Variants in RERE observed in about 807,000 individuals in gnomAD.
RERE encodes arginine-glutamic acid dipeptide repeats protein.
Under a neutral mutation model 146.1 loss-of-function variants are expected in RERE, and 40 were observed. The observed-to-expected ratio is 0.27, with a 90% confidence interval of 0.21 to 0.36. RERE has a LOEUF of 0.36. Ranked by LOEUF, RERE falls within the 10% of genes least tolerant of loss-of-function variation. RERE has a pLI of 1.00. For synonymous variants in RERE, 1,003 were observed against 866.0 expected, an observed-to-expected ratio of 1.16 and a Z score of -2.78; for missense variants, 1,933 against 2,138.7, an observed-to-expected ratio of 0.90 and a Z score of 1.90.
rs187919087 is a variant in RERE at position 8,556,675 on chromosome 1, G to T, written c.629-104C>A. Reference sequence around the variant, plus strand: ...CACGTTTACCACCCACTAAATAACCGGGCCTGGTTAGCATCGTTAAGTATG... The same window carrying T: ...CACGTTTACCACCCACTAAATAACCTGGCCTGGTTAGCATCGTTAAGTATG... On this transcript the variant is annotated intron_variant, in intron 5 of 22. Transcript: ENST00000400908. The T allele has an allele frequency of 1.7e-3, 1,189 of 710,062 alleles. 11 individuals are homozygous for T. The highest frequency in any genetic ancestry group is 7.5e-3 in the Middle Eastern group (19 of 2,546). 44.0% of individuals were successfully genotyped at this position (710,062 alleles called of 1,614,324 possible). A position where few individuals can be genotyped will look rare whatever the true frequency, so the allele number is the denominator to read the frequency against.
intron 3 of RERE, among the ~76,000 whole-genome samples, chr1:8,616,188 G>C (rs1042187142): frequency 3.3e-5 from 5 of 151,990 alleles, no homozygotes; most frequent in African/African-American, 1.2e-4. Flanking sequence ...TCAAATTAAG[G>C]GTTTTAAATC....
intron 7 of RERE, among the ~76,000 whole-genome samples, chr1:8,531,250 C>G (rs113940734): frequency 6.6e-6 from 1 of 152,160 alleles, no homozygotes; most frequent in African/African-American, 2.4e-5. Flanking sequence ...TGAGACCAGC[C>G]TGGCCAATGG....
At chr1:8,625,017 T>C (rs1218407116) in intron 2 of RERE, among the ~76,000 whole-genome samples, 10 of 152,218 alleles carry the variant, frequency 6.6e-5, no homozygotes, top group African/African-American at 1.7e-4. Context: ...GTAAACCAAA[T>C]TGCATTTTCT....
At chr1:8,481,995 G>T (rs750217600) in intron 10 of RERE, among the ~76,000 whole-genome samples, 4 of 152,048 alleles carry the variant, frequency 2.6e-5, no homozygotes, top group African/African-American at 9.7e-5. Flanking sequence ...AGACCAGGAG[G>T]ATAAATAAAA....
intron 4 of RERE, among the ~76,000 whole-genome samples, chr1:8,582,370 G>A (rs1182213029): frequency 6.7e-6 from 1 of 148,660 alleles, no homozygotes; most frequent in Non-Finnish European, 1.5e-5. Flanking sequence ...GTATCACTGT[G>A]CCTGCTTTTT....
At chr1:8,751,070 C>T (rs1640525355) in intron 1 of RERE, 3 of 545,138 alleles carry the variant, frequency 5.5e-6, no homozygotes, top group East Asian at 3.2e-5. Flanking sequence ...ATTATCTTCT[C>T]CATGAGGCGG....
intron 11 of RERE, chr1:8,425,796 C>T (rs1337086721): frequency 6.6e-6 from 1 of 152,266 alleles, no homozygotes; most frequent in African/African-American, 2.4e-5. Context: ...GATCCTGTTT[C>T]TTCCATTTAT....
rs1643950051 is a variant in RERE, at chr1:8,423,633, C to A, written c.1204-826G>T. ...GGTAAGCGCCCGGGGTCCGGGGCGG[C>A]AAGAGGCCGTCGCCTGTCACTGGGC... is the stretch of plus-strand genomic sequence containing the variant. On this transcript the variant is annotated intron_variant, in intron 11 of 22. Coordinates refer to ENST00000400908, the MANE Select transcript of RERE (RefSeq NM_001042681.2). This position sits in a 1 kb window ranked among gnomAD's most constrained non-coding sequence, Gnocchi z 5.4. 1.0e-6 allele frequency: 1 copy of A among 985,024 alleles called. No homozygotes were observed. Among genetic ancestry groups the A allele is most frequent in the Non-Finnish European group, 1.2e-6 (1 of 829,814 alleles). 61.0% of individuals were successfully genotyped at this position (985,024 alleles called of 1,614,324 possible). A position where few individuals can be genotyped will look rare whatever the true frequency, so the allele number is the denominator to read the frequency against.
intron 18 of RERE, 41 bp downstream of exon 18, chr1:8,360,071 C>G: frequency 1.3e-6 from 2 of 1,584,474 alleles, no homozygotes; most frequent in Non-Finnish European, 1.7e-6. Flanking sequence ...CCCCACCAGC[C>G]CACCTGTGCC....
chr1:8,375,251 G>C (rs1219752825), intron 12 of RERE, among the ~76,000 whole-genome samples: 2 of 152,170 alleles, frequency 1.3e-5, no homozygotes, highest in Non-Finnish European at 2.9e-5. Flanking sequence ...AATGGATACC[G>C]AATTGCCACT....
chr1:8,499,057 C>T (rs1384566938), intron 8 of RERE, among the ~76,000 whole-genome samples: 3 of 152,112 alleles, frequency 2.0e-5, no homozygotes, highest in Non-Finnish European at 2.9e-5. Flanking sequence ...TTCTCACCCA[C>T]ACTCTGCTGG....
chr1:8,381,744 C>T (rs973190280), intron 12 of RERE, among the ~76,000 whole-genome samples: 1 of 152,190 alleles, frequency 6.6e-6, no homozygotes, highest in Non-Finnish European at 1.5e-5. Context: ...GAAATGAGAA[C>T]AAGAGTCTTA....
At chr1:8,581,823 T>C (rs1313545741) in intron 4 of RERE, among the ~76,000 whole-genome samples, 2 of 152,210 alleles carry the variant, frequency 1.3e-5, no homozygotes, top group Non-Finnish European at 2.9e-5. Flanking sequence ...GTATTACCAA[T>C]ATTGGAAAGC....
chr1:8,393,149 A>C (rs961961836), intron 12 of RERE, among the ~76,000 whole-genome samples: 7 of 152,198 alleles, frequency 4.6e-5, no homozygotes, highest in Non-Finnish European at 1.0e-4. Flanking sequence ...ACCAAGAAGG[A>C]GGCTACTTTG....
intron 4 of RERE, among the ~76,000 whole-genome samples, chr1:8,600,692 T>G (rs1389011341): frequency 6.6e-6 from 1 of 152,008 alleles, no homozygotes; most frequent in Non-Finnish European, 1.5e-5. Flanking sequence ...CCCTGCATCT[T>G]TAAATACTAA....
chr1:8,376,511 G>T (rs34089283), intron 12 of RERE, among the ~76,000 whole-genome samples: 1 of 152,096 alleles, frequency 6.6e-6, no homozygotes, highest in Non-Finnish European at 1.5e-5. Context: ...CCTCTATGAC[G>T]ACATGAGACA....
At chr1:8,389,289 C>T (rs1310088297) in intron 12 of RERE, among the ~76,000 whole-genome samples, 1 of 152,178 alleles carries the variant, frequency 6.6e-6, no homozygotes, top group Non-Finnish European at 1.5e-5. Context: ...TCATGTCAAC[C>T]CACTCTCATG....
chr1:8,524,648 T>G (rs183513471), intron 7 of RERE, among the ~76,000 whole-genome samples: 26 of 151,828 alleles, frequency 1.7e-4, no homozygotes, highest in Admixed American at 1.4e-3. Context: ...GAAAAAGGAG[T>G]GGAAACAAAA....
chr1:8,621,944 T>G (rs1419854714), intron 3 of RERE, among the ~76,000 whole-genome samples: 23 of 152,196 alleles, frequency 1.5e-4, no homozygotes, highest in Admixed American at 1.1e-3. Flanking sequence ...TATTTCATCA[T>G]CTGTTGTTCT....
Sources: gnomAD v4.1 joint callset for allele counts (sites outside exome capture counted in the v4.1 genomes callset) on GRCh38, gnomAD v4.1.1 for gene constraint, Gnocchi (gnomAD v3.1) non-coding constraint, MANE v1.5 for transcripts, NCBI Gene and HGNC (gene_info 2026-07-23, HGNC 2026-07-21) for gene names.